LYPLAL1: variants seen among roughly 807,000 people sequenced by gnomAD.
The protein encoded by LYPLAL1 is lysophospholipase like 1.
LYPLAL1 carries 23 observed loss-of-function variants against 19.7 expected under a neutral mutation model. The observed-to-expected ratio is 1.17, with a 90% CI of 0.84 to 1.65. The LOEUF (loss-of-function observed/expected upper bound fraction) is 1.65. Among genes scored for constraint, LYPLAL1 ranks in the 40% most tolerant of loss-of-function variants. The probability of loss-of-function intolerance (pLI) is 0.00; values close to 1 mark genes in which losing one functional copy is unlikely to be tolerated. For synonymous variants in LYPLAL1, 119 were observed against 96.3 expected (o/e 1.24, Z -1.38); for missense variants, 355 against 279.4 (o/e 1.27, Z -1.93).
At chr1:219,203,067 A>G (rs983590171) in intron 3 of LYPLAL1, among the ~76,000 whole-genome samples, 1 of 131,908 alleles carries the variant, frequency 7.6e-6, no homozygotes. Context: ...TGAAGGGGAT[A>G]GGTTCAAAAG....
chr1:219,239,825 A>G, the LYPLAL1 span, among the ~76,000 whole-genome samples: 1 of 152,240 alleles, frequency 6.6e-6, no homozygotes, highest in Non-Finnish European at 1.5e-5. Flanking sequence ...CATTTAATCC[A>G]ATAATTATTA....
At chr1:219,248,994 GGTT>G in the LYPLAL1 span, among the ~76,000 whole-genome samples, 2 of 151,928 alleles carry the variant, frequency 1.3e-5, no homozygotes, top group Admixed American at 1.3e-4. Flanking sequence ...CCAAGATAGT[GGTT>G]GTATTCAAAT....
chr1:219,388,921 G>A, the LYPLAL1 span, among the ~76,000 whole-genome samples: 2 of 152,022 alleles, frequency 1.3e-5, no homozygotes, highest in South Asian at 4.2e-4. Context: ...TATGTGGTTT[G>A]CAACTTCTTA....
chr1:219,332,002 G>A, the LYPLAL1 span, among the ~76,000 whole-genome samples: 1 of 152,164 alleles, frequency 6.6e-6, no homozygotes, highest in East Asian at 1.9e-4. Context: ...GGTAACACTA[G>A]CCCGAGGTTC....
the LYPLAL1 span, among the ~76,000 whole-genome samples, chr1:219,319,191 T>C: frequency 1.3e-5 from 2 of 152,282 alleles, no homozygotes; most frequent in African/African-American, 4.8e-5. Flanking sequence ...GAGATGGTAG[T>C]TAAGCTCAGA....
the LYPLAL1 span, among the ~76,000 whole-genome samples, chr1:219,332,771 AGATT>A: frequency 2.0e-5 from 3 of 150,986 alleles, no homozygotes; most frequent in African/African-American, 7.3e-5. Context: ...ACCTATAGAT[AGATT>A]ATCTAAAGAA....
the LYPLAL1 span, among the ~76,000 whole-genome samples, chr1:219,300,924 T>C: frequency 2.0e-5 from 3 of 152,028 alleles, no homozygotes; most frequent in Non-Finnish European, 4.4e-5. Context: ...CTTCCTCTTT[T>C]CAAGAATATT....
At chr1:219,404,927 A>G in the LYPLAL1 span, among the ~76,000 whole-genome samples, 1 of 152,214 alleles carries the variant, frequency 6.6e-6, no homozygotes, top group Non-Finnish European at 1.5e-5. Context: ...ACAGTGCTTT[A>G]TAAATTGTTT....
the LYPLAL1 span, among the ~76,000 whole-genome samples, chr1:219,267,887 A>C: frequency 6.6e-6 from 1 of 152,116 alleles, no homozygotes; most frequent in African/African-American, 2.4e-5. Flanking sequence ...ATTTAATCAG[A>C]ATTTTCTTTG....
chr1:219,203,522 T>C (rs528570110), intron 3 of LYPLAL1, among the ~76,000 whole-genome samples: 1 of 152,306 alleles, frequency 6.6e-6, no homozygotes, highest in South Asian at 2.1e-4. Context: ...GTCGAAGGTA[T>C]AGCGTAAGCA....
chr1:219,367,835 G>C, the LYPLAL1 span, among the ~76,000 whole-genome samples: 1 of 151,840 alleles, frequency 6.6e-6, no homozygotes, highest in South Asian at 2.1e-4. Flanking sequence ...TTTTACTTTT[G>C]TTCATTAAAA....
chr1:219,279,384 G>A, the LYPLAL1 span, among the ~76,000 whole-genome samples: 1 of 152,184 alleles, frequency 6.6e-6, no homozygotes, highest in African/African-American at 2.4e-5. Context: ...CTGAGGTGTG[G>A]CAATTTCCCC....
chr1:219,374,481 A>C, the LYPLAL1 span, among the ~76,000 whole-genome samples: 3 of 152,214 alleles, frequency 2.0e-5, no homozygotes, highest in African/African-American at 7.2e-5. Context: ...CCATCCTCCC[A>C]TGATTAACAA....
the LYPLAL1 span, among the ~76,000 whole-genome samples, chr1:219,434,724 T>C: frequency 1.3e-5 from 2 of 152,208 alleles, no homozygotes; most frequent in Non-Finnish European, 2.9e-5. Context: ...CAGACTACCA[T>C]GCGTTGACTG....
At chr1:219,373,760 T>A in the LYPLAL1 span, among the ~76,000 whole-genome samples, 2 of 151,874 alleles carry the variant, frequency 1.3e-5, no homozygotes, top group Non-Finnish European at 2.9e-5. Context: ...TGGAAGAGAC[T>A]TTTTACATTT....
At chr1:219,279,878 ACTCC>A in the LYPLAL1 span, among the ~76,000 whole-genome samples, 1 of 152,224 alleles carries the variant, frequency 6.6e-6, no homozygotes, top group Non-Finnish European at 1.5e-5. Context: ...AAAGGAAAAG[ACTCC>A]AAAATATCCA....
the LYPLAL1 span, among the ~76,000 whole-genome samples, chr1:219,324,976 A>C: frequency 6.6e-6 from 1 of 152,086 alleles, no homozygotes; most frequent in African/African-American, 2.4e-5. Context: ...CACACAGGAG[A>C]TCTGTGTGTT....
At chr1:219,325,450 C>A in the LYPLAL1 span, among the ~76,000 whole-genome samples, 1 of 152,082 alleles carries the variant, frequency 6.6e-6, no homozygotes, top group Non-Finnish European at 1.5e-5. Context: ...GGCACCGTCC[C>A]TTTCTTGACT....
the LYPLAL1 span, among the ~76,000 whole-genome samples, chr1:219,380,687 A>G: frequency 6.6e-6 from 1 of 152,208 alleles, no homozygotes; most frequent in South Asian, 2.1e-4. Flanking sequence ...ATCTTCCTTG[A>G]TCTGGTTAAA....
Sources: gnomAD v4.1 joint callset for allele counts (sites outside exome capture counted in the v4.1 genomes callset) on GRCh38, gnomAD v4.1.1 for gene constraint, MANE v1.5 for transcripts, NCBI Gene and HGNC (gene_info 2026-07-23, HGNC 2026-07-21) for gene names.